Variants in GRID2 observed in about 807,000 individuals in gnomAD.
GRID2 encodes glutamate receptor ionotropic, delta-2.
A neutral mutation model predicts 114.8 loss-of-function variants in GRID2; 33 were observed. The observed-to-expected ratio is 0.29, with a 90% CI of 0.22 to 0.38. The LOEUF (loss-of-function observed/expected upper bound fraction) is 0.38, where lower values mean the gene tolerates loss of function less well. Among genes scored for constraint, GRID2 ranks in the 10% least tolerant of loss-of-function variants. GRID2 has a pLI of 1.00. For missense variants in GRID2, 1,184 were observed against 1,257.7 expected, an observed-to-expected ratio of 0.94 and a Z score of 0.89; for synonymous variants, 505 against 449.9, an observed-to-expected ratio of 1.12 and a Z score of -1.55.
chr4:92,710,229 A>C, intron 2 of GRID2, among the ~76,000 whole-genome samples: 1 of 152,160 alleles, frequency 6.6e-6, no homozygotes, highest in East Asian at 1.9e-4. Flanking sequence ...TATGGACAAA[A>C]CTTTTTGTGT....
intron 13 of GRID2, among the ~76,000 whole-genome samples, chr4:93,596,546 C>G (rs1578355475): frequency 6.6e-6 from 1 of 151,734 alleles, no homozygotes; most frequent in African/African-American, 2.4e-5. Flanking sequence ...TCACTGCACT[C>G]CAGCCTGGGC....
At chr4:93,449,660 T>A (rs1490234426) in intron 10 of GRID2, among the ~76,000 whole-genome samples, 1 of 152,054 alleles carries the variant, frequency 6.6e-6, no homozygotes, top group African/African-American at 2.4e-5. Context: ...GTAAGGAATA[T>A]TTATAGGTGA....
chr4:93,233,328 TA>T (rs1336897876), intron 7 of GRID2, among the ~76,000 whole-genome samples: 137 of 97,234 alleles, frequency 1.4e-3, no homozygotes, highest in East Asian at 4.9e-3. Flanking sequence ...TTATTATTAT[TA>T]TTATTATTTT....
chr4:93,419,066 T>A (rs1391842262), intron 9 of GRID2, among the ~76,000 whole-genome samples: 3 of 131,210 alleles, frequency 2.3e-5, no homozygotes, highest in African/African-American at 5.5e-5. Context: ...CCCAAAATCA[T>A]GATTTTCCTT....
At chr4:92,615,093 T>C (rs887547864) in intron 2 of GRID2, among the ~76,000 whole-genome samples, 2 of 151,560 alleles carry the variant, frequency 1.3e-5, no homozygotes, top group African/African-American at 4.8e-5. Flanking sequence ...GTCTGGAGAC[T>C]AAAAGTCCAA....
chr4:93,140,111 C>A (rs984036942), intron 4 of GRID2, among the ~76,000 whole-genome samples: 6 of 151,616 alleles, frequency 4.0e-5, no homozygotes, highest in African/African-American at 1.5e-4. Context: ...TCGTCTCTGC[C>A]ATCCCTTAAT....
intron 13 of GRID2, among the ~76,000 whole-genome samples, chr4:93,527,449 T>C (rs1221892111): frequency 6.6e-6 from 1 of 152,136 alleles, no homozygotes; most frequent in East Asian, 1.9e-4. Flanking sequence ...TGCTTATGTT[T>C]TACAGAAAAT....
intron 2 of GRID2, among the ~76,000 whole-genome samples, chr4:92,928,020 T>A (rs1314204685): frequency 6.6e-6 from 1 of 151,710 alleles, no homozygotes; most frequent in Admixed American, 6.6e-5. Flanking sequence ...GGTTTTTGGA[T>A]TCAGGTTGCT....
intron 2 of GRID2, among the ~76,000 whole-genome samples, chr4:92,851,657 C>T (rs1214014736): frequency 1.3e-5 from 2 of 151,922 alleles, no homozygotes; most frequent in Non-Finnish European, 2.9e-5. Context: ...AGTTGTGATG[C>T]ATAGCACTTA....
chr4:92,315,906 G>T (rs888211234), intron 1 of GRID2, among the ~76,000 whole-genome samples: 4 of 149,040 alleles, frequency 2.7e-5, no homozygotes, highest in African/African-American at 7.4e-5. Context: ...GGAAGTGGAG[G>T]TTGCAGTGAG....
chr4:93,506,611 G>A (rs1458650988), intron 12 of GRID2, among the ~76,000 whole-genome samples: 8 of 152,076 alleles, frequency 5.3e-5, no homozygotes, highest in Admixed American at 1.3e-4. Flanking sequence ...AGAATGGAGC[G>A]ACTAGAAAAG....
chr4:92,884,495 C>G (rs1409030821), intron 2 of GRID2, among the ~76,000 whole-genome samples: 2 of 152,082 alleles, frequency 1.3e-5, no homozygotes, highest in African/African-American at 4.8e-5. Flanking sequence ...AGCTTTTGCC[C>G]TGTCTTGGCA....
chr4:92,904,194 C>T (rs1747782688), intron 2 of GRID2, among the ~76,000 whole-genome samples: 1 of 151,036 alleles, frequency 6.6e-6, no homozygotes, highest in Non-Finnish European at 1.5e-5. Flanking sequence ...AATGTATGGC[C>T]TTTTTTCAAA....
intron 10 of GRID2, among the ~76,000 whole-genome samples, chr4:93,449,362 A>C (rs1722464783): frequency 6.6e-6 from 1 of 152,094 alleles, no homozygotes; most frequent in African/African-American, 2.4e-5. Flanking sequence ...ATATGTACAA[A>C]ACATGAAAAA....
At chr4:93,332,759 C>T (rs1758631159) in intron 8 of GRID2, among the ~76,000 whole-genome samples, 1 of 152,048 alleles carries the variant, frequency 6.6e-6, no homozygotes, top group Non-Finnish European at 1.5e-5. Context: ...CTCTACGTTA[C>T]CCAGAAAGCT....
intron 4 of GRID2, among the ~76,000 whole-genome samples, chr4:93,124,554 GGA>G (rs1734105252): frequency 6.6e-6 from 1 of 152,132 alleles, no homozygotes; most frequent in Admixed American, 6.5e-5. Flanking sequence ...AGTTAGCACT[GGA>G]GTCCGAACCT....
At chr4:93,187,159 T>A (rs1740501226) in intron 4 of GRID2, among the ~76,000 whole-genome samples, 1 of 152,222 alleles carries the variant, frequency 6.6e-6, no homozygotes, top group Admixed American at 6.5e-5. Flanking sequence ...TAGGTTTTCA[T>A]GTAAGAATTT....
intron 8 of GRID2, among the ~76,000 whole-genome samples, chr4:93,368,852 G>T (rs957162502): frequency 7.2e-5 from 11 of 152,140 alleles, no homozygotes; most frequent in Admixed American, 5.2e-4. Flanking sequence ...ACTTTACGAA[G>T]TCGTAGTGAG....
chr4:93,198,041 A>C (rs557796528), intron 4 of GRID2, among the ~76,000 whole-genome samples: 4 of 152,126 alleles, frequency 2.6e-5, no homozygotes, highest in African/African-American at 9.7e-5. Context: ...TGAGGTATGG[A>C]TATCCACAGA....
Sources: gnomAD v4.1 joint callset for allele counts (sites outside exome capture counted in the v4.1 genomes callset) on GRCh38, gnomAD v4.1.1 for gene constraint, MANE v1.5 for transcripts, NCBI Gene and HGNC (gene_info 2026-07-23, HGNC 2026-07-21) for gene names.